The following ERAP1 variants were observed in gnomAD, a reference collection of about 807,000 sequenced individuals.
ERAP1 encodes endoplasmic reticulum aminopeptidase 1, also known as adipocyte-derived leucine aminopeptidase.
Under a neutral mutation model 103.7 loss-of-function variants are expected in ERAP1, and 86 were observed. The ratio of observed to expected loss-of-function variants is 0.83; its 90% confidence interval spans 0.70 to 0.99. ERAP1 has a LOEUF of 0.99. ERAP1 is among the 50% of genes least tolerant of loss of function. ERAP1 has a pLI of 0.00. For synonymous variants in ERAP1, 398 were observed against 402.4 expected, an observed-to-expected ratio of 0.99 and a Z score of 0.13; for missense variants, 1,009 against 1,128.4, an observed-to-expected ratio of 0.89 and a Z score of 1.52.
chr5:96,930,184 A>G, the ERAP1 span, among the ~76,000 whole-genome samples: 2,291 of 152,330 alleles, frequency 0.015, 52 homozygotes, highest in Admixed American at 0.057. Context: ...CCCTAATATC[A>G]ACCAACCACC....
the ERAP1 span, among the ~76,000 whole-genome samples, chr5:96,931,370 T>C: frequency 1.3e-5 from 2 of 152,082 alleles, no homozygotes; most frequent in African/African-American, 2.4e-5. Context: ...GGGTACACGT[T>C]GGTCTTGAAC....
chr5:96,906,520 G>A, the ERAP1 span, among the ~76,000 whole-genome samples: 1 of 152,116 alleles, frequency 6.6e-6, no homozygotes, highest in Admixed American at 6.6e-5. Flanking sequence ...CTCCTGCCTC[G>A]GCTTCCCCAA....
chr5:96,781,937 T>C, intron 15 of ERAP1, 83 bp from the exon 16 acceptor site: 1 of 1,267,972 alleles, frequency 7.9e-7, no homozygotes, highest in African/African-American at 1.4e-5. Context: ...TATGAACTGC[T>C]GAACTTTCCC....
the ERAP1 span, among the ~76,000 whole-genome samples, chr5:96,842,099 G>T: frequency 6.6e-6 from 1 of 152,126 alleles, no homozygotes; most frequent in Non-Finnish European, 1.5e-5. Flanking sequence ...CATCCAGGTT[G>T]CTGCAAATGC....
the ERAP1 span, among the ~76,000 whole-genome samples, chr5:96,820,366 A>G: frequency 6.6e-6 from 1 of 152,130 alleles, no homozygotes. Context: ...AATACTGGAA[A>G]TTCATCCCTA....
the ERAP1 span, among the ~76,000 whole-genome samples, chr5:96,933,797 A>T: frequency 6.6e-6 from 1 of 152,082 alleles, no homozygotes; most frequent in Admixed American, 6.5e-5. Flanking sequence ...TTTAAGCAAT[A>T]CAATGTGTGA....
chr5:96,823,990 C>T, the ERAP1 span, among the ~76,000 whole-genome samples: 4 of 152,094 alleles, frequency 2.6e-5, no homozygotes, highest in East Asian at 5.8e-4. Context: ...ACTAATGAGC[C>T]GGTAGTGTAC....
the ERAP1 span, among the ~76,000 whole-genome samples, chr5:96,815,416 T>G: frequency 4.1e-5 from 6 of 145,560 alleles, no homozygotes; most frequent in African/African-American, 7.9e-5. Context: ...TGTTTTTTAT[T>G]TTTTTTTTTT....
chr5:96,873,647 G>A, the ERAP1 span: 2 of 341,702 alleles, frequency 5.9e-6, no homozygotes, highest in Non-Finnish European at 1.2e-5. Flanking sequence ...TGATGTGCTT[G>A]AAGCATGAAG....
At chr5:96,787,817 C>CAT (rs58423662) in intron 11 of ERAP1, among the ~76,000 whole-genome samples, 92,499 of 147,586 alleles carry the variant, frequency 0.63, 28,944 homozygotes, top group Non-Finnish European at 0.66. Context: ...TATATATACA[C>CAT]ATATATATGT....
the ERAP1 span, among the ~76,000 whole-genome samples, chr5:96,924,666 C>T: frequency 1.1e-3 from 169 of 151,190 alleles, no homozygotes; most frequent in African/African-American, 3.7e-3. Context: ...GGCGTGATCT[C>T]GGCTCACTGC....
the ERAP1 span, among the ~76,000 whole-genome samples, chr5:96,864,902 T>C: frequency 1.3e-5 from 2 of 152,176 alleles, no homozygotes; most frequent in South Asian, 4.1e-4. Flanking sequence ...GTGTCTTCAG[T>C]AAAAATCTTA....
At chr5:96,886,314 G>A in the ERAP1 span, among the ~76,000 whole-genome samples, 1 of 152,214 alleles carries the variant, frequency 6.6e-6, no homozygotes, top group South Asian at 2.1e-4. Context: ...TTACTTAAAA[G>A]CACAGAAGTT....
At chr5:96,909,858 A>G in the ERAP1 span, 3 of 1,271,462 alleles carry the variant, frequency 2.4e-6, no homozygotes, top group Non-Finnish European at 3.2e-6. Flanking sequence ...CCTTTTAGTG[A>G]GGATAGAAAA....
the ERAP1 span, among the ~76,000 whole-genome samples, chr5:96,851,901 A>G: frequency 6.6e-6 from 1 of 152,162 alleles, no homozygotes; most frequent in Admixed American, 6.6e-5. Context: ...ATACAAAAGG[A>G]AAAAAACAGG....
chr5:96,890,793 T>A, the ERAP1 span, among the ~76,000 whole-genome samples: 36 of 152,298 alleles, frequency 2.4e-4, 2 homozygotes, highest in South Asian at 5.8e-3. Flanking sequence ...GCAGGTTCTA[T>A]ATACTCTTTA....
chr5:96,803,820 T>G lies in ERAP1; in HGVS notation c.107A>C (p.Glu36Ala). Residue 36 changes from glutamate to alanine, a missense_variant, in exon 2 of 19, where the codon GAA (glutamate) becomes GCA (alanine). By Grantham distance (107) the Glu-to-Ala change is moderately radical. Coordinates refer to ENST00000443439, the MANE Select transcript of ERAP1 (RefSeq NM_001040458.3). ...CCCATCACTACGTTTTGGAGATGCTTCAGTGCTCTGACACCATGAAGGAGT... is the reference window on the plus strand; with the variant it reads ...CCCATCACTACGTTTTGGAGATGCTGCAGTGCTCTGACACCATGAAGGAGT... ...VSTPSWCQST[E>A]ASPKRSDGTP... is the part of the protein sequence containing the mutation. 2 of 1,614,158 alleles carry G rather than the reference T, an allele frequency of 1.2e-6. No homozygotes were observed. The highest frequency in any genetic ancestry group is 1.7e-6 in the Non-Finnish European group (2 of 1,180,034).
chr5:96,823,256 C>A, the ERAP1 span: 12 of 400,340 alleles, frequency 3.0e-5, no homozygotes, highest in African/African-American at 2.5e-4. Context: ...GCAGATGCCA[C>A]CTGCAGTCAA....
chr5:96,900,365 A>G, the ERAP1 span: 1 of 954,594 alleles, frequency 1.0e-6, no homozygotes, highest in Non-Finnish European at 1.4e-6. Flanking sequence ...TTAGGGGGAC[A>G]ATGCTGTTGC....
Sources: allele counts gnomAD v4.1 joint callset (sites outside exome capture counted in the v4.1 genomes callset), GRCh38; gene constraint gnomAD v4.1.1; transcripts MANE v1.5; gene names NCBI Gene and HGNC (gene_info 2026-07-23, HGNC 2026-07-21).